Variants in ERG observed in about 807,000 individuals in gnomAD.
The protein encoded by ERG is ETS transcription factor ERG.
ERG carries 9 observed loss-of-function variants against 55.3 expected under a neutral mutation model. That is an observed-to-expected ratio of 0.16 (90% CI 0.10 to 0.28). The LOEUF (loss-of-function observed/expected upper bound fraction) is 0.28, where lower values mean the gene tolerates loss of function less well. Among genes scored for constraint, ERG ranks in the 10% least tolerant of loss-of-function variants. The probability of loss-of-function intolerance (pLI) is 1.00; values close to 1 mark genes in which losing one functional copy is unlikely to be tolerated. For missense variants in ERG, 434 were observed against 631.6 expected, an observed-to-expected ratio of 0.69 and a Z score of 3.35; for synonymous variants, 223 against 237.3, an observed-to-expected ratio of 0.94 and a Z score of 0.55.
rs1324167554 is a variant in ERG, at chr21:38,460,553, C to A, written c.19-14932G>T. Among the ~76,000 whole-genome samples, 1 of 152,176 alleles carries A rather than the reference C, an allele frequency of 6.6e-6. No individual in the cohort carries two copies. Among genetic ancestry groups the A allele is most frequent in the Non-Finnish European group, 1.5e-5 (1 of 68,040 alleles). The stretch of plus-strand genomic sequence containing the variant: ...TCCTTTGTCCCACATGCAACGGGAA[C>A]TTCCATTCATCATCACATGCAGAAA... On this transcript the variant is annotated intron_variant, in intron 1 of 9. Coordinates refer to ENST00000288319, the MANE Select transcript of ERG (RefSeq NM_182918.4). The surrounding 1 kb of genome is among the most constrained non-coding windows in gnomAD (Gnocchi z 5.0).
At chr21:38,602,065 T>G (rs2060167588) in intron 1 of ERG, among the ~76,000 whole-genome samples, 1 of 152,180 alleles carries the variant, frequency 6.6e-6, no homozygotes, top group African/African-American at 2.4e-5. Flanking sequence ...ACCTGCTCTT[T>G]GCATGTGGCA....
chr21:38,566,676 C>A (rs962805206), intron 2 of ERG, among the ~76,000 whole-genome samples: 24 of 152,120 alleles, frequency 1.6e-4, no homozygotes, highest in African/African-American at 5.8e-4. Context: ...ACAGAAGCCA[C>A]GCAAAAGACA....
At chr21:38,397,784 G>T (rs573776267) in intron 6 of ERG, among the ~76,000 whole-genome samples, 1 of 151,960 alleles carries the variant, frequency 6.6e-6, no homozygotes, top group Non-Finnish European at 1.5e-5. Flanking sequence ...GAAAGGGTGC[G>T]GAATGCTGTC....
intron 6 of ERG, 102 bp from the exon 7 acceptor site, chr21:38,392,546 G>A: frequency 3.5e-6 from 3 of 855,622 alleles, no homozygotes; most frequent in African/African-American, 1.8e-5. Flanking sequence ...TAAACTTTGT[G>A]CAAAAAAATC....
intron 1 of ERG, among the ~76,000 whole-genome samples, chr21:38,632,888 G>A (rs964398765): frequency 3.9e-5 from 6 of 152,138 alleles, no homozygotes; most frequent in African/African-American, 9.7e-5. Context: ...TCCCACTTCC[G>A]TGTCCATATA....
At chr21:38,553,160 T>C (rs750348495) in intron 2 of ERG, among the ~76,000 whole-genome samples, 1 of 152,048 alleles carries the variant, frequency 6.6e-6, no homozygotes, top group Non-Finnish European at 1.5e-5. Context: ...TGACAAGTAT[T>C]ACAAAACAAA....
At chr21:38,554,554 A>G (rs1338812010) in intron 2 of ERG, among the ~76,000 whole-genome samples, 1 of 152,202 alleles carries the variant, frequency 6.6e-6, no homozygotes, top group East Asian at 1.9e-4. Context: ...CATTATCCTA[A>G]GGGAGTTAAC....
chr21:38,555,013 T>A lies in ERG; in HGVS notation c.-41+20649A>T, dbSNP rs566896201. Among the ~76,000 whole-genome samples, 15 of 151,872 alleles carry A rather than the reference T, an allele frequency of 9.9e-5. 1 individual carries two copies. The South Asian group carries it at 2.1e-3, about 21-fold the overall frequency. On this transcript the variant is annotated intron_variant, in intron 2 of 8. Transcript: ENST00000398897. ...GAACTAAAGAATTCACAAAAAAAAA[T>A]GTTAACAAATTAAATGACATGTTAA... is the stretch of plus-strand genomic sequence containing the variant.
intron 2 of ERG, among the ~76,000 whole-genome samples, chr21:38,531,269 ATAAAG>A (rs1454533565): frequency 6.6e-6 from 1 of 152,232 alleles, no homozygotes; most frequent in Non-Finnish European, 1.5e-5. Context: ...CAGCTCACAA[ATAAAG>A]TAATCTGTAA....
rs191306259 is a variant in ERG, at chr21:38,647,527, G to C, written c.-150+14131C>G. Among the ~76,000 whole-genome samples the C allele has an allele frequency of 7.2e-3, 1,098 of 152,108 alleles. 11 individuals are homozygous for C. The highest frequency in any genetic ancestry group is 0.025 in the African/African-American group (1,044 of 41,478). On this transcript the variant is annotated intron_variant, in intron 1 of 10. Coordinates refer to the ERG transcript ENST00000398910. ...TGGTATTAAATTTTCATGTGAGGAG[G>C]GACAATTAGGAAAAAAAATCAGAAA...
At position 38,381,069 on chromosome 21, in the gene ERG, T is replaced by C; in HGVS notation, c.*2334A>G. 9.4e-7 allele frequency: 1 copy of C among 1,064,818 alleles called. No homozygotes were observed. The highest frequency in any genetic ancestry group is 1.1e-6 in the Non-Finnish European group (1 of 878,948). The allele number at this position is 1,064,818 out of a possible 1,614,324, so 66.0% of individuals were successfully genotyped here. ...CAGGCTGCTGCAAAATGATGGATGG[T>C]TGGGCTCCGTCTAATCCAAATGACA... is the stretch of plus-strand genomic sequence containing the variant. On this transcript the variant is annotated 3_prime_UTR_variant, in exon 10 of 10. Transcript: ENST00000288319.
intron 2 of ERG, among the ~76,000 whole-genome samples, chr21:38,543,380 C>T (rs1484962969): frequency 6.9e-6 from 1 of 144,308 alleles, no homozygotes; most frequent in Non-Finnish European, 1.5e-5. Context: ...AAAAGCAATT[C>T]CACTGTAATT....
At chr21:38,538,331 G>A (rs2059726667) in intron 2 of ERG, among the ~76,000 whole-genome samples, 1 of 151,928 alleles carries the variant, frequency 6.6e-6, no homozygotes, top group African/African-American at 2.4e-5. Context: ...TAAATTTTAT[G>A]TATATTTTAC....
At chr21:38,569,411 T>G (rs2146851808) in intron 2 of ERG, among the ~76,000 whole-genome samples, 1 of 152,360 alleles carries the variant, frequency 6.6e-6, no homozygotes, top group South Asian at 2.1e-4. Context: ...CCACCTTTCC[T>G]TGCAGCTAGA....
At chr21:38,601,788 T>C (rs1384450496) in intron 1 of ERG, among the ~76,000 whole-genome samples, 2 of 152,242 alleles carry the variant, frequency 1.3e-5, no homozygotes, top group Non-Finnish European at 2.9e-5. Flanking sequence ...TAGAAGCAAC[T>C]TAAAATAAAT....
At chr21:38,402,712 C>CAAAAAAAAAAAAAA (rs759434219) in intron 4 of ERG, 75 bp from the exon 5 acceptor site, 40 of 165,088 alleles carry the variant, frequency 2.4e-4, no homozygotes, top group African/African-American at 2.9e-4. Flanking sequence ...ACCTTTCTTA[C>CAAAAAAAAAAAAAA]AAAAAAAAAA....
rs568854875 is a variant in ERG, at chr21:38,492,822, G to GA, written c.18+5540dup. Among the ~76,000 whole-genome samples the GA allele has an allele frequency of 3.3e-5, 5 of 151,886 alleles. No homozygotes were observed. In the East Asian group the frequency reaches 9.7e-4, roughly 29 times the overall value. ...AAACAGAGAATAAAAGTATAAATAA[G>GA]AAAAAAAATCCAGAGGTCACAGTGG... On this transcript the variant is annotated intron_variant, in intron 1 of 9. Coordinates refer to ENST00000288319, the MANE Select transcript of ERG (RefSeq NM_182918.4).
At chr21:38,453,063 G>A (rs1228112198) in intron 1 of ERG, among the ~76,000 whole-genome samples, 1 of 152,194 alleles carries the variant, frequency 6.6e-6, no homozygotes, top group Non-Finnish European at 1.5e-5. Flanking sequence ...ACGTGTTTTT[G>A]TGAGATGAAT....
intron 2 of ERG, among the ~76,000 whole-genome samples, chr21:38,564,302 A>T (rs867974253): frequency 6.6e-6 from 1 of 152,256 alleles, no homozygotes; most frequent in South Asian, 2.1e-4. Flanking sequence ...AGAATAAAAT[A>T]GATAAAATTT....
Sources: gnomAD v4.1 joint callset for allele counts (sites outside exome capture counted in the v4.1 genomes callset) on GRCh38, gnomAD v4.1.1 for gene constraint, Gnocchi (gnomAD v3.1) non-coding constraint, MANE v1.5 for transcripts, NCBI Gene and HGNC (gene_info 2026-07-23, HGNC 2026-07-21) for gene names.